Variants in STAB1 observed in about 807,000 individuals in gnomAD.
The protein encoded by STAB1 is stabilin-1.
STAB1 carries 250 observed loss-of-function variants against 332.4 expected under a neutral mutation model. The observed-to-expected ratio is 0.75, with a 90% CI of 0.68 to 0.84. STAB1 has a LOEUF of 0.84. STAB1 is among the 40% of genes least tolerant of loss of function. The pLI, the probability that STAB1 is intolerant of heterozygous loss-of-function variation, is 0.00. For missense variants in STAB1, 3,249 were observed against 3,489.7 expected (o/e 0.93, Z 1.74); for synonymous variants, 1,475 against 1,390.4 (o/e 1.06, Z -1.35).
At chr3:52,515,116 C>A in intron 36 of STAB1, 71 bp downstream of exon 36, 1 of 1,564,698 alleles carries the variant, frequency 6.4e-7, no homozygotes, top group South Asian at 1.2e-5. Context: ...GCCCAATCCC[C>A]TCACCCTCCA....
chr3:52,521,580 C>G lies in STAB1; in HGVS notation c.6059-16C>G. 6.2e-7 allele frequency: 1 copy of G among 1,613,100 alleles called. No homozygotes were observed. The highest frequency in any genetic ancestry group is 8.5e-7 in the Non-Finnish European group (1 of 1,179,806). ...TGTGGGCCAATCTTTATCTTCCTGCCTGTCCCTCTCCCCAGCCTGCCGCTG... is the reference window on the plus strand; with the variant it reads ...TGTGGGCCAATCTTTATCTTCCTGCGTGTCCCTCTCCCCAGCCTGCCGCTG... On this transcript the variant is annotated splice_polypyrimidine_tract_variant and intron_variant, in intron 56 of 68. Transcript: ENST00000321725.
Position 52,512,420 on chromosome 3 carries a change from A to G in STAB1, c.2963A>G (p.Tyr988Cys), listed in dbSNP as rs1406228333. The change falls in exon 27 of 69, where the codon TAT becomes TGT. Residue 988 changes from tyrosine (Y) to cysteine (C), a missense_variant. By Grantham distance (194) the Tyr-to-Cys change is radical (BLOSUM62 -2). Coordinates refer to ENST00000321725, the MANE Select transcript of STAB1 (RefSeq NM_015136.3). ...TTTGGGGGTGATGGCTTCAGCTGTT[A>G]TGGAGACATCTTCCGGGTAAGGGGT... ...PGFGGDGFSC[Y>C]GDIFRELEAN... 6.2e-7 allele frequency: 1 copy of G among 1,610,302 alleles called. No homozygotes were observed. Among genetic ancestry groups the G allele is most frequent in the African/African-American group, 1.3e-5 (1 of 74,560 alleles).
At chr3:52,495,731 C>A (rs147938431) in intron 1 of STAB1, among the ~76,000 whole-genome samples, 1 of 152,344 alleles carries the variant, frequency 6.6e-6, no homozygotes, top group Non-Finnish European at 1.5e-5. Flanking sequence ...TATGCGGGGC[C>A]GGGGCTCCCC....
rs778735459 is a variant in STAB1, at chr3:52,514,378, T to C, written c.3560T>C (p.Val1187Ala). The change falls in exon 34 of 69, where the codon GTG (valine) becomes GCG (alanine). Residue 1187 changes from valine (V) to alanine (A), a missense_variant. Coordinates refer to ENST00000321725, the MANE Select transcript of STAB1 (RefSeq NM_015136.3). ...GNSSHLDADT[V>A]RHHVVLGEAL... Reference sequence around the variant, plus strand: ...CTTCTCTTCCAGGACGCAGACACAGTGCGGCACCATGTGGTCCTGGGGGAG... The same window carrying C: ...CTTCTCTTCCAGGACGCAGACACAGCGCGGCACCATGTGGTCCTGGGGGAG... The C allele has an allele frequency of 1.3e-6, 2 of 1,547,614 alleles. No homozygotes were observed. Among genetic ancestry groups the C allele is most frequent in the African/African-American group, 2.7e-5 (2 of 73,068 alleles).
chr3:52,507,501 G>A (rs1708963914), intron 18 of STAB1, 112 bp from the exon 19 acceptor site: 1 of 1,152,670 alleles, frequency 8.7e-7, no homozygotes. Context: ...TGGGCTTCCT[G>A]TGGTTGGCTC....
intron 5 of STAB1, 129 bp from the exon 6 acceptor site, chr3:52,502,503 A>G (rs1433432034): frequency 8.0e-6 from 7 of 879,208 alleles, no homozygotes; most frequent in Non-Finnish European, 1.2e-5. Flanking sequence ...GTCCCGCATC[A>G]CAGCTCTGTA....
rs373617167 is a variant in STAB1 at position 52,519,346 on chromosome 3, G to A, written c.5117G>A (p.Arg1706His). The A allele has an allele frequency of 1.4e-5, 22 of 1,612,978 alleles. No individual in the cohort carries two copies. In the East Asian group the frequency reaches 1.8e-4, roughly 13 times the overall value. ...AVNGILHFID[R>H]VLLPPEALHW... ...AACGGCATCCTGCACTTCATTGACC[G>A]TGTCCTGCTGCCCCCCGAGGCGCTG... The change falls in exon 49 of 69, where the codon CGT (arginine) becomes CAT (histidine). Residue 1706 changes from arginine to histidine, a missense_variant. By Grantham distance (29) the Arg-to-His change is conservative (BLOSUM62 0). Coordinates refer to ENST00000321725, the MANE Select transcript of STAB1 (RefSeq NM_015136.3).
Position 52,504,304 on chromosome 3 carries a change from G to A in STAB1, c.1150+149G>A, listed in dbSNP as rs555254408. 1.4e-5 allele frequency: 20 copies of A among 1,428,258 alleles called. No homozygotes were observed. The South Asian group carries it at 1.6e-4, about 11-fold the overall frequency. The allele number at this position is 1,428,258 out of a possible 1,614,324, so 88.5% of individuals were successfully genotyped here. ...CTGTGGGGGGTGCATGCAGGGGGTG[G>A]GAGCTGCTCTCCAACCTCAAGGCCC... On this transcript the variant is annotated intron_variant, in intron 10 of 68. Transcript: ENST00000321725.
Position 52,518,560 on chromosome 3 carries a change from G to A in STAB1, c.4834G>A (p.Gly1612Arg), listed in dbSNP as rs1178897398. ...GGAATATAAGGAGCTCAAGGGCGATGGGCCTTTCACCATCTTCGTGCCGCA... is the reference window on the plus strand; with the variant it reads ...GGAATATAAGGAGCTCAAGGGCGATAGGCCTTTCACCATCTTCGTGCCGCA... ...LLEYKELKGD[G>R]PFTIFVPHAD... Residue 1612 changes from glycine (G) to arginine (R), a missense_variant, in exon 47 of 69, where the codon GGG becomes AGG. Transcript: ENST00000321725. 3.1e-6 allele frequency: 5 copies of A among 1,596,584 alleles called. No individual in the cohort carries two copies. Among genetic ancestry groups the A allele is most frequent in the Non-Finnish European group, 4.3e-6 (5 of 1,171,578 alleles).
rs2153233019 is a variant in STAB1, at chr3:52,503,495, C to T, written c.846C>T (p.Gly282=). 1 of 1,613,686 alleles carries T rather than the reference C, an allele frequency of 6.2e-7. No individual in the cohort carries two copies. The highest frequency in any genetic ancestry group is 2.2e-5 in the East Asian group (1 of 44,884). ...ACCCATGCACTGACAACCTTGGTGG[C>T]TGCCCCAGCAACTCTACTTTGTGTG... The part of the protein sequence containing the change: ...PKDPCTDNLG[G]CPSNSTLCVY... The change falls in exon 8 of 69, where the codon GGC becomes GGT. Residue 282 remains glycine, a synonymous_variant. Transcript: ENST00000321725.
rs2078831444 is a variant in STAB1, at chr3:52,515,481, C to T, written c.3923C>T (p.Ser1308Phe). Reference protein sequence around the residue: ...RSGFSFSRGCSYTCAKKIQVP... With the variant: ...RSGFSFSRGCFYTCAKKIQVP... ...GGCTTCTCCTTCTCCCGGGGCTGCT[C>T]TTACACATGTGCCAAGAAGATCCAG... The change falls in exon 37 of 69, where the codon TCT (serine) becomes TTT (phenylalanine). Residue 1308 changes from serine to phenylalanine, a missense_variant. Transcript: ENST00000321725. 1.9e-6 allele frequency: 3 copies of T among 1,613,490 alleles called. No individual in the cohort carries two copies. Among genetic ancestry groups the T allele is most frequent in the Non-Finnish European group, 2.5e-6 (3 of 1,180,010 alleles).
rs1330770912 is a variant in STAB1 at position 52,510,483 on chromosome 3, C to T, written c.2763C>T (p.Leu921=). The stretch of plus-strand genomic sequence containing the variant: ...GAGGTGGCTGCCACACCGATGCCCT[C>T]TGCAGCTATGTGGGCCCCGGGCAGG... ...DMRGGCHTDA[L]CSYVGPGQSR... Residue 921 remains leucine, a synonymous_variant, in exon 25 of 69, where the codon CTC becomes CTT. Coordinates refer to ENST00000321725, the MANE Select transcript of STAB1 (RefSeq NM_015136.3). The T allele has an allele frequency of 1.2e-6, 2 of 1,613,552 alleles. No individual in the cohort carries two copies. The highest frequency in any genetic ancestry group is 1.1e-5 in the South Asian group (1 of 91,060).
chr3:52,512,964 G>A lies in STAB1; in HGVS notation c.3158+6G>A, dbSNP rs774807402. 9 of 1,605,334 alleles carry A rather than the reference G, an allele frequency of 5.6e-6. No individual in the cohort carries two copies. Among genetic ancestry groups the A allele is most frequent in the Non-Finnish European group, 7.7e-6 (9 of 1,175,584 alleles). ...ACGCTGCCGAACCTGGTCAGGTGGG[G>A]CCGCCATTGCCAGGCTGTGGGAGGG... On this transcript the variant is annotated splice_donor_region_variant and intron_variant, in intron 29 of 68. Coordinates refer to ENST00000321725, the MANE Select transcript of STAB1 (RefSeq NM_015136.3).
chr3:52,520,067 C>T lies in STAB1; in HGVS notation c.5359C>T (p.His1787Tyr), dbSNP rs2079021244. ...CCAGGCCTGGCTGTACCATGAGGAC[C>T]ACCGTGACAAGCTAGCAGCCATTCT... is the stretch of plus-strand genomic sequence containing the variant. ...DRQAWLYHED[H>Y]RDKLAAILRG... Residue 1787 changes from histidine to tyrosine, a missense_variant, in exon 51 of 69, where the codon CAC (histidine) becomes TAC (tyrosine). Transcript: ENST00000321725. The T allele has an allele frequency of 6.2e-7, 1 of 1,612,570 alleles. No homozygotes were observed. Among genetic ancestry groups the T allele is most frequent in the Non-Finnish European group, 8.5e-7 (1 of 1,179,774 alleles).
intron 16 of STAB1, 81 bp downstream of exon 16, chr3:52,506,017 T>A (rs918240667): frequency 1.3e-6 from 2 of 1,567,534 alleles, no homozygotes; most frequent in Non-Finnish European, 1.7e-6. Flanking sequence ...CAAGGCCCCA[T>A]CTCTTCTCCA....
intron 3 of STAB1, 22 bp downstream of exon 3, chr3:52,501,775 C>A (rs748424111): frequency 6.5e-7 from 1 of 1,546,160 alleles, no homozygotes; most frequent in Non-Finnish European, 8.7e-7. Context: ...AGGGGGACCC[C>A]GCCTTGCGCC....
intron 1 of STAB1, among the ~76,000 whole-genome samples, chr3:52,495,835 A>G (rs1707979320): frequency 6.6e-6 from 1 of 152,190 alleles, no homozygotes; most frequent in African/African-American, 2.4e-5. Flanking sequence ...TGGGGGTTGA[A>G]GATGTGATCA....
intron 20 of STAB1, 70 bp from the exon 21 acceptor site, chr3:52,508,203 G>A: frequency 6.7e-7 from 1 of 1,484,738 alleles, no homozygotes; most frequent in East Asian, 2.3e-5. Flanking sequence ...TGGGGCCAGG[G>A]AGCAGAGGCA....
Position 52,514,701 on chromosome 3 carries a change from C to A in STAB1, c.3679C>A (p.Pro1227Thr). The change falls in exon 35 of 69, where the codon CCT becomes ACT. Residue 1227 changes from proline (P) to threonine (T), a missense_variant and splice_region_variant. By Grantham distance (38) the Pro-to-Thr change is conservative. Coordinates refer to ENST00000321725, the MANE Select transcript of STAB1 (RefSeq NM_015136.3). The stretch of plus-strand genomic sequence containing the variant: ...ATTCAGCCTCCATCCCTCTCCCCAG[C>A]CTGAGGTGAACCATGTGCCACTGGA... ...WIVFYNHSGQ[P>T]EVNHVPLEGP... 2 of 1,613,048 alleles carry A rather than the reference C, an allele frequency of 1.2e-6. No homozygotes were observed. The highest frequency in any genetic ancestry group is 1.1e-5 in the South Asian group (1 of 91,074).
Sources: allele counts gnomAD v4.1 joint callset (sites outside exome capture counted in the v4.1 genomes callset), GRCh38; gene constraint gnomAD v4.1.1; transcripts MANE v1.5; gene names NCBI Gene and HGNC (gene_info 2026-07-23, HGNC 2026-07-21).